Variants in MDGA2 observed in about 807,000 individuals in gnomAD.
MDGA2 encodes the protein MAM domain-containing glycosylphosphatidylinositol anchor protein 2.
In MDGA2, 40 loss-of-function variants were observed where a neutral mutation model predicts 117.8. That is an observed-to-expected ratio of 0.34 (90% CI 0.26 to 0.44). The LOEUF (loss-of-function observed/expected upper bound fraction) is 0.44. MDGA2 is among the 20% of genes least tolerant of loss of function. The probability of loss-of-function intolerance (pLI) is 1.00; values close to 1 mark genes in which losing one functional copy is unlikely to be tolerated. For missense variants in MDGA2, 1,123 were observed against 1,250.6 expected (o/e 0.90, Z 1.54); for synonymous variants, 452 against 439.0 (o/e 1.03, Z -0.37).
At chr14:47,231,240 T>C (rs1449365618) in intron 2 of MDGA2, among the ~76,000 whole-genome samples, 1 of 152,080 alleles carries the variant, frequency 6.6e-6, no homozygotes, top group Non-Finnish European at 1.5e-5. Flanking sequence ...TAAAGACTTA[T>C]TCGGCCAAAT....
At chr14:47,349,033 C>A (rs933813841) in intron 1 of MDGA2, among the ~76,000 whole-genome samples, 11 of 152,062 alleles carry the variant, frequency 7.2e-5, no homozygotes, top group Non-Finnish European at 1.3e-4. Flanking sequence ...TGGCAGTATA[C>A]AGAATTTGTG....
intron 7 of MDGA2, among the ~76,000 whole-genome samples, chr14:47,035,701 T>G (rs1455680842): frequency 1.3e-5 from 2 of 152,172 alleles, no homozygotes; most frequent in Non-Finnish European, 2.9e-5. Context: ...AAGAGAAACC[T>G]CTGATCTAAA....
chr14:47,241,958 T>C lies in MDGA2; in HGVS notation c.421-23763A>G, dbSNP rs748400150. ...TCCACATCAGTAAAATAGAGACAAT[T>C]ATATCCAACATAGAAGGCCATTGTG... On this transcript the variant is annotated intron_variant, in intron 2 of 16. Coordinates refer to ENST00000399232, the MANE Select transcript of MDGA2 (RefSeq NM_001113498.3). Among the ~76,000 whole-genome samples the C allele has an allele frequency of 1.4e-4, 22 of 151,946 alleles. 1 individual carries two copies. The highest frequency in any genetic ancestry group is 3.4e-3 in the Middle Eastern group (1 of 294).
At chr14:47,218,770 T>G (rs751028584) in intron 2 of MDGA2, among the ~76,000 whole-genome samples, 2 of 152,152 alleles carry the variant, frequency 1.3e-5, no homozygotes, top group Non-Finnish European at 2.9e-5. Context: ...ACAAATGATT[T>G]GTCTATTTTG....
intron 8 of MDGA2, among the ~76,000 whole-genome samples, chr14:46,995,207 T>C (rs948315172): frequency 1.3e-5 from 2 of 152,176 alleles, no homozygotes; most frequent in Non-Finnish European, 2.9e-5. Context: ...TTTGTTATAC[T>C]AAATTACTAT....
chr14:47,406,911 G>T (rs1487909557), intron 1 of MDGA2, among the ~76,000 whole-genome samples: 1 of 152,058 alleles, frequency 6.6e-6, no homozygotes, highest in East Asian at 1.9e-4. Flanking sequence ...TTAATTATAT[G>T]ATGTACAAAT....
rs755744157 is a variant in MDGA2, at chr14:47,675,105, G to C, written c.-309C>G. Among the ~76,000 whole-genome samples the C allele has an allele frequency of 9.9e-5, 15 of 151,884 alleles. No individual in the cohort carries two copies. Among genetic ancestry groups the C allele is most frequent in the Non-Finnish European group, 2.1e-4 (14 of 67,878 alleles). ...GGAGCAGGAAGTGGCCTCTGACCCA[G>C]GACACCGAGCAGGGCTCTCTTGCCT... On this transcript the variant is annotated 5_prime_UTR_variant, in exon 1 of 17. Coordinates refer to ENST00000399232, the MANE Select transcript of MDGA2 (RefSeq NM_001113498.3).
At chr14:47,130,669 C>T (rs1222998494) in intron 5 of MDGA2, among the ~76,000 whole-genome samples, 5 of 152,104 alleles carry the variant, frequency 3.3e-5, no homozygotes, top group African/African-American at 9.7e-5. Flanking sequence ...GTGTGTTTCA[C>T]ATGCTTTATA....
rs558662579 is a variant in MDGA2, at chr14:47,258,812, A to AT, written c.421-40618dup. ...GAACAGAGGGTTCAGTATGCTGCTT[A>AT]TTTTTTTTTCATTTTTCTAATTAAG... On this transcript the variant is annotated intron_variant, in intron 2 of 16. Transcript: ENST00000399232. Among the ~76,000 whole-genome samples the AT allele has an allele frequency of 4.1e-4, 62 of 150,492 alleles. No individual in the cohort carries two copies. The South Asian group carries it at 7.4e-3, about 18-fold the overall frequency.
intron 1 of MDGA2, among the ~76,000 whole-genome samples, chr14:47,570,902 A>G (rs1451186653): frequency 6.6e-6 from 1 of 152,350 alleles, no homozygotes; most frequent in East Asian, 1.9e-4. Context: ...AAAATTGACA[A>G]ATGGGACCTG....
At chr14:47,431,206 T>A (rs1305358682) in intron 1 of MDGA2, among the ~76,000 whole-genome samples, 1 of 152,042 alleles carries the variant, frequency 6.6e-6, no homozygotes, top group Non-Finnish European at 1.5e-5. Context: ...GAATAATTAT[T>A]AAACAATTAA....
chr14:47,455,399 G>A (rs1422573467), intron 1 of MDGA2, among the ~76,000 whole-genome samples: 1 of 152,004 alleles, frequency 6.6e-6, no homozygotes, highest in Admixed American at 6.6e-5. Context: ...CCAGCTACTT[G>A]AGAGGCGGAG....
intron 7 of MDGA2, among the ~76,000 whole-genome samples, chr14:47,054,900 C>T (rs1257528629): frequency 2.0e-5 from 3 of 151,796 alleles, no homozygotes; most frequent in Admixed American, 2.0e-4. Flanking sequence ...CATAAAAACC[C>T]TAGAAGAAAA....
Position 47,607,042 on chromosome 14 carries a change from T to C in MDGA2, c.280+67475A>G, listed in dbSNP as rs531624356. On this transcript the variant is annotated intron_variant, in intron 1 of 16. Transcript: ENST00000399232. ...CCTTAATTTTAAAAAATTTGCACTA[T>C]TGTTTGCTAAAGATTATTTGGTCAA... Among the ~76,000 whole-genome samples the C allele has an allele frequency of 4.6e-5, 7 of 152,292 alleles. No individual in the cohort carries two copies. The East Asian group carries it at 1.2e-3, about 25-fold the overall frequency.
intron 3 of MDGA2, among the ~76,000 whole-genome samples, chr14:47,168,927 T>A (rs1051825861): frequency 1.3e-5 from 2 of 152,124 alleles, no homozygotes; most frequent in Non-Finnish European, 2.9e-5. Flanking sequence ...GATCTGATAT[T>A]TCTGGGTATA....
chr14:47,569,649 G>A (rs1362743309), intron 1 of MDGA2, among the ~76,000 whole-genome samples: 1 of 152,144 alleles, frequency 6.6e-6, no homozygotes, highest in Non-Finnish European at 1.5e-5. Context: ...GAGAAATTCT[G>A]GAGATAAGAA....
At chr14:47,608,423 G>A (rs964935439) in intron 1 of MDGA2, among the ~76,000 whole-genome samples, 1 of 152,064 alleles carries the variant, frequency 6.6e-6, no homozygotes, top group Non-Finnish European at 1.5e-5. Flanking sequence ...AGCATATGAT[G>A]TTCACGAGAA....
chr14:47,616,844 A>AG lies in MDGA2; in HGVS notation c.280+57672dup, dbSNP rs556483173. ...ATCAGTTAAAACTGAGCTATATACT[A>AG]GGTAGTCACTAATCATATGTGACTA... On this transcript the variant is annotated intron_variant, in intron 1 of 16. Transcript: ENST00000399232. 2.0e-4 allele frequency among the ~76,000 whole-genome samples: 31 copies of AG among 152,366 alleles called. 2 individuals carry two copies. The South Asian group carries it at 5.8e-3, about 28-fold the overall frequency.
intron 14 of MDGA2, among the ~76,000 whole-genome samples, chr14:46,869,124 T>C (rs1907624): frequency 0.4 from 60,837 of 151,642 alleles, 13,497 homozygotes; most frequent in East Asian, 0.64. Context: ...TCTTCATTAA[T>C]GAACTCCTTT....
Sources: gnomAD v4.1 joint callset for allele counts (sites outside exome capture counted in the v4.1 genomes callset) on GRCh38, gnomAD v4.1.1 for gene constraint, MANE v1.5 for transcripts, NCBI Gene and HGNC (gene_info 2026-07-23, HGNC 2026-07-21) for gene names.